Variants in WDFY4 observed in about 807,000 individuals in gnomAD.
WDFY4 encodes WDFY family member 4.
In WDFY4, 169 loss-of-function variants were observed where a neutral mutation model predicts 351.9. The ratio of observed to expected loss-of-function variants is 0.48; its 90% confidence interval spans 0.42 to 0.55. WDFY4 has a LOEUF of 0.55. Ranked by LOEUF, WDFY4 falls within the 20% of genes least tolerant of loss-of-function variation. WDFY4 has a pLI of 0.00. For missense variants in WDFY4, 3,803 were observed against 3,935.6 expected, an observed-to-expected ratio of 0.97 and a Z score of 0.90; for synonymous variants, 1,622 against 1,574.6, an observed-to-expected ratio of 1.03 and a Z score of -0.71.
chr10:48,756,400 AGT>A (rs2065337841), intron 12 of WDFY4, among the ~76,000 whole-genome samples: 2 of 85,082 alleles, frequency 2.4e-5, no homozygotes, highest in Non-Finnish European at 6.6e-5. Context: ...TAGTTCTAGA[AGT>A]TTTTTTTTTT....
chr10:48,817,256 T>C lies in WDFY4; in HGVS notation c.5352T>C (p.Gly1784=), dbSNP rs1424155930. Residue 1784 remains glycine, a synonymous_variant, in exon 32 of 62, where the codon GGT becomes GGC. Coordinates refer to ENST00000325239, the MANE Select transcript of WDFY4 (RefSeq NM_001394531.1). ...LKATMSQPLA[G]SEDGAWAQTF... The stretch of plus-strand genomic sequence containing the variant: ...CAAGTGTGCCTCAGCCCCTGGCAGG[T>C]TCTGAGGATGGTGCCTGGGCACAGA... The C allele has an allele frequency of 6.4e-7, 1 of 1,551,486 alleles. No individual in the cohort carries two copies. The highest frequency in any genetic ancestry group is 1.4e-5 in the African/African-American group (1 of 73,034).
At chr10:48,828,923 T>TGTGTGGG (rs763409844) in intron 37 of WDFY4, 27 bp downstream of exon 37, 2 of 4,976 alleles carry the variant, frequency 4.0e-4, no homozygotes, top group African/African-American at 2.9e-3. Flanking sequence ...ATTGTGTGTG[T>TGTGTGGG]GGGCGGGGGG....
At chr10:48,965,628 C>T (rs561567661) in intron 54 of WDFY4, among the ~76,000 whole-genome samples, 28 of 152,162 alleles carry the variant, frequency 1.8e-4, no homozygotes, top group African/African-American at 2.7e-4. Context: ...ACAGCCTGGA[C>T]CAGCTTCCAC....
At chr10:48,687,785 T>G (rs1403910486) in intron 1 of WDFY4, among the ~76,000 whole-genome samples, 1 of 150,112 alleles carries the variant, frequency 6.7e-6, no homozygotes, top group African/African-American at 2.4e-5. Flanking sequence ...TGGCTAATTT[T>G]TTTTTTTTTT....
At chr10:48,850,692 C>T (rs1050878428) in intron 39 of WDFY4, among the ~76,000 whole-genome samples, 4 of 152,126 alleles carry the variant, frequency 2.6e-5, no homozygotes, top group African/African-American at 7.2e-5. Context: ...AGTGTTGGCC[C>T]GAGACTCTCT....
chr10:48,758,676 CA>C (rs1244571443), intron 12 of WDFY4, among the ~76,000 whole-genome samples: 4 of 152,182 alleles, frequency 2.6e-5, no homozygotes, highest in African/African-American at 9.6e-5. Flanking sequence ...ACTCTCCTCT[CA>C]TCTCATTCTC....
intron 60 of WDFY4, among the ~76,000 whole-genome samples, chr10:48,979,479 AAGCTAACGGCATT>A (rs1320064965): frequency 6.6e-6 from 1 of 152,204 alleles, no homozygotes; most frequent in Non-Finnish European, 1.5e-5. Context: ...GGGGCCCAGT[AAGCTAACGGCATT>A]AGCTAAGCCT....
intron 56 of WDFY4, among the ~76,000 whole-genome samples, chr10:48,969,643 C>G (rs901859452): frequency 3.3e-5 from 5 of 152,186 alleles, no homozygotes; most frequent in African/African-American, 1.2e-4. Flanking sequence ...TGTTTCCCTA[C>G]TGGTCCTCCC....
At chr10:48,945,847 A>G (rs573615117) in intron 49 of WDFY4, among the ~76,000 whole-genome samples, 193 bp from the exon 50 acceptor site, 27 of 152,096 alleles carry the variant, frequency 1.8e-4, no homozygotes, top group African/African-American at 6.3e-4. Flanking sequence ...CTTATTTTTC[A>G]TTTCTCCCTT....
intron 10 of WDFY4, among the ~76,000 whole-genome samples, chr10:48,734,544 A>ATATAT: frequency 6.6e-6 from 1 of 150,892 alleles, no homozygotes; most frequent in African/African-American, 2.4e-5. Context: ...ATATATATAT[A>ATATAT]ATGACATAGA....
Position 48,742,313 on chromosome 10 carries a change from TCTC to T in WDFY4, c.1879-654_1879-652del, listed in dbSNP as rs551311846. On this transcript the variant is annotated intron_variant, in intron 11 of 61. Transcript: ENST00000325239. ...ATTTCATTCCATTGCAGGTTTCTCT[TCTC>T]TTTCTGACACACTCTTTTCACACCA... Among the ~76,000 whole-genome samples the T allele has an allele frequency of 4.6e-5, 7 of 152,124 alleles. No homozygotes were observed. In the East Asian group the frequency reaches 1.2e-3, roughly 25 times the overall value.
chr10:48,848,702 T>A (rs2068858958), intron 39 of WDFY4, among the ~76,000 whole-genome samples: 1 of 152,092 alleles, frequency 6.6e-6, no homozygotes, highest in Admixed American at 6.5e-5. Context: ...AGGAGCTGAT[T>A]TTGGCGGGCT....
chr10:48,902,756 G>A (rs1015852644), intron 47 of WDFY4, among the ~76,000 whole-genome samples: 1 of 151,910 alleles, frequency 6.6e-6, no homozygotes, highest in Non-Finnish European at 1.5e-5. Flanking sequence ...GCAGATAGAG[G>A]TGGGCATTGA....
chr10:48,685,571 A>C (rs970587640), intron 1 of WDFY4, among the ~76,000 whole-genome samples: 1 of 152,044 alleles, frequency 6.6e-6, no homozygotes. Context: ...CCCTCATCTG[A>C]ATTATTACAG....
chr10:48,974,736 G>C (rs928472494), intron 57 of WDFY4, 126 bp from the exon 58 acceptor site: 10 of 993,500 alleles, frequency 1.0e-5, no homozygotes, highest in Non-Finnish European at 1.4e-5. Context: ...ACAGACTTGG[G>C]AATCACTGAC....
At position 48,901,847 on chromosome 10, in the gene WDFY4, G is replaced by T. The variant is rs1837368791; in HGVS notation, c.7570G>T (p.Asp2524Tyr). The T allele has an allele frequency of 3.2e-6, 5 of 1,551,604 alleles. No homozygotes were observed. The highest frequency in any genetic ancestry group is 4.4e-6 in the Non-Finnish European group (5 of 1,146,886). ...PSLKGKATSE[D>Y]TLSLRRYPGS... ...CCTGAAGGGGAAAGCCACCTCGGAG[G>T]ACACCCTCAGTCTAAGGTAATGGCG... Residue 2524 changes from aspartate to tyrosine, a missense_variant, in exon 47 of 62, where the codon GAC becomes TAC. Physicochemically the swap from Asp to Tyr is radical, Grantham distance 160. Transcript: ENST00000325239.
chr10:48,748,295 T>G (rs528754544), intron 12 of WDFY4, among the ~76,000 whole-genome samples: 1 of 152,352 alleles, frequency 6.6e-6, no homozygotes, highest in Admixed American at 6.5e-5. Context: ...TATTTATTTT[T>G]ATTTCCCTCC....
intron 39 of WDFY4, among the ~76,000 whole-genome samples, chr10:48,865,934 T>A (rs2069526999): frequency 6.6e-6 from 1 of 152,182 alleles, no homozygotes; most frequent in African/African-American, 2.4e-5. Flanking sequence ...ATTGTCTCCT[T>A]CATTTCTGAT....
intron 25 of WDFY4, among the ~76,000 whole-genome samples, chr10:48,805,047 G>A (rs139486683): frequency 5.9e-5 from 9 of 152,190 alleles, no homozygotes; most frequent in East Asian, 5.8e-4. Flanking sequence ...TCCGGGGGGC[G>A]GAGGGGACAG....
Sources: allele counts gnomAD v4.1 joint callset (sites outside exome capture counted in the v4.1 genomes callset), GRCh38; gene constraint gnomAD v4.1.1; transcripts MANE v1.5; gene names NCBI Gene and HGNC (gene_info 2026-07-23, HGNC 2026-07-21).